The following UST variants were observed in gnomAD, a reference collection of about 807,000 sequenced individuals.
UST encodes uronyl 2-sulfotransferase.
Under a neutral mutation model 45.6 loss-of-function variants are expected in UST, and 21 were observed. The ratio of observed to expected loss-of-function variants is 0.46; its 90% confidence interval spans 0.33 to 0.66. The LOEUF (loss-of-function observed/expected upper bound fraction) is 0.66. Ranked by LOEUF, UST falls within the 30% of genes least tolerant of loss-of-function variation. UST has a pLI of 0.02. For missense variants in UST, 463 were observed against 512.4 expected (o/e 0.90, Z 0.93); for synonymous variants, 215 against 200.6 (o/e 1.07, Z -0.61).
rs112412219 is a variant in UST, at chr6:148,876,584, C to G, written c.248-10402C>G. Among the ~76,000 whole-genome samples the G allele has an allele frequency of 1.0e-2, 1,519 of 152,208 alleles. 25 individuals are homozygous for G. The highest frequency in any genetic ancestry group is 0.034 in the African/African-American group (1,423 of 41,516). On this transcript the variant is annotated intron_variant, in intron 1 of 7. Coordinates refer to ENST00000367463, the MANE Select transcript of UST (RefSeq NM_005715.3). ...CCCTGGGCCATGTTCTTTGTCACTA[C>G]TCAGTTCTACTGAATCCATTAAGTG...
At chr6:148,755,950 G>A (rs1425580506) in intron 1 of UST, among the ~76,000 whole-genome samples, 1 of 151,750 alleles carries the variant, frequency 6.6e-6, no homozygotes, top group African/African-American at 2.4e-5. Context: ...TTGGTGTGCT[G>A]CACCCATTAA....
At chr6:148,960,893 T>C (rs1163515299) in intron 4 of UST, among the ~76,000 whole-genome samples, 1 of 152,226 alleles carries the variant, frequency 6.6e-6, no homozygotes, top group South Asian at 2.1e-4. Context: ...CTTTCAAATT[T>C]TGATGAAAAT....
chr6:149,021,061 A>T (rs530089783), intron 6 of UST, among the ~76,000 whole-genome samples: 1 of 152,336 alleles, frequency 6.6e-6, no homozygotes, highest in African/African-American at 2.4e-5. Context: ...CACAATACTT[A>T]GGCAGGGCCT....
chr6:148,986,191 A>T (rs887593165), intron 5 of UST, among the ~76,000 whole-genome samples: 1 of 152,232 alleles, frequency 6.6e-6, no homozygotes, highest in African/African-American at 2.4e-5. Flanking sequence ...AAATGAGGTG[A>T]TAAAATCGAA....
At chr6:148,823,292 G>GATTTTATCTAAATAAA (rs1364716093) in intron 1 of UST, among the ~76,000 whole-genome samples, 2 of 152,152 alleles carry the variant, frequency 1.3e-5, no homozygotes. Context: ...TAGAAAGAAA[G>GATTTTATCTAAATAAA]GAAGTTTATC....
chr6:148,903,603 T>C (rs1285004442), intron 2 of UST, among the ~76,000 whole-genome samples: 1 of 152,222 alleles, frequency 6.6e-6, no homozygotes, highest in East Asian at 1.9e-4. Flanking sequence ...TAAAAACTAA[T>C]GGGGACAGAC....
At chr6:148,844,987 G>C (rs1777961004) in intron 1 of UST, among the ~76,000 whole-genome samples, 1 of 152,126 alleles carries the variant, frequency 6.6e-6, no homozygotes. Context: ...TGGCTGCATA[G>C]TATTCCATGG....
chr6:148,834,006 G>C (rs1439044450), intron 1 of UST, among the ~76,000 whole-genome samples: 1 of 152,030 alleles, frequency 6.6e-6, no homozygotes. Context: ...CTTGTTTTTT[G>C]TTCATAAATT....
At chr6:148,989,998 A>G (rs1781316848) in intron 5 of UST, among the ~76,000 whole-genome samples, 1 of 152,246 alleles carries the variant, frequency 6.6e-6, no homozygotes, top group African/African-American at 2.4e-5. Flanking sequence ...CTCACATTTA[A>G]GTACAAAAAA....
At chr6:148,780,473 G>C (rs1776623763) in intron 1 of UST, among the ~76,000 whole-genome samples, 1 of 152,064 alleles carries the variant, frequency 6.6e-6, no homozygotes, top group Non-Finnish European at 1.5e-5. Context: ...GGTGTCTGCT[G>C]TTCCCCTCTT....
In UST at chr6:148,747,399, C is replaced by A; in HGVS notation, c.-32C>A. Reference sequence around the variant, plus strand: ...GCGGATGGGTGACCTTTTCCTGGCACGGGCAGGCTGTGGGAGGCAGCGGAG... The same window carrying A: ...GCGGATGGGTGACCTTTTCCTGGCAAGGGCAGGCTGTGGGAGGCAGCGGAG... On this transcript the variant is annotated 5_prime_UTR_variant, in exon 1 of 8. Coordinates refer to ENST00000367463, the MANE Select transcript of UST (RefSeq NM_005715.3). 7.3e-7 allele frequency: 1 copy of A among 1,374,276 alleles called. No individual in the cohort carries two copies. The highest frequency in any genetic ancestry group is 9.4e-7 in the Non-Finnish European group (1 of 1,058,456). The allele number at this position is 1,374,276 out of a possible 1,614,324, so 85.1% of individuals were successfully genotyped here.
chr6:148,913,375 A>G (rs1050956024), intron 2 of UST, among the ~76,000 whole-genome samples: 1 of 144,266 alleles, frequency 6.9e-6, no homozygotes, highest in Non-Finnish European at 1.5e-5. Flanking sequence ...AAAACATTGT[A>G]TCTATAGGAG....
At chr6:149,009,746 T>C (rs1413483759) in intron 5 of UST, among the ~76,000 whole-genome samples, 1 of 151,656 alleles carries the variant, frequency 6.6e-6, no homozygotes, top group Non-Finnish European at 1.5e-5. Flanking sequence ...AATGGGATTC[T>C]TAACCTCTGA....
intron 2 of UST, among the ~76,000 whole-genome samples, chr6:148,891,080 A>G (rs1779009574): frequency 6.6e-6 from 1 of 152,164 alleles, no homozygotes; most frequent in South Asian, 2.1e-4. Context: ...TTAATGCATA[A>G]TTTGAGTTCA....
At chr6:149,053,071 C>T (rs1776512001) in intron 7 of UST, among the ~76,000 whole-genome samples, 1 of 152,184 alleles carries the variant, frequency 6.6e-6, no homozygotes, top group Non-Finnish European at 1.5e-5. Context: ...TCTTAGAGTA[C>T]ATCATTTATC....
chr6:148,944,572 A>G (rs1285359488), intron 3 of UST, among the ~76,000 whole-genome samples: 1 of 151,928 alleles, frequency 6.6e-6, no homozygotes, highest in African/African-American at 2.4e-5. Flanking sequence ...AAATCTATTA[A>G]ATGGAACAAG....
intron 5 of UST, among the ~76,000 whole-genome samples, chr6:148,991,454 G>A (rs1045878588): frequency 6.6e-6 from 1 of 151,560 alleles, no homozygotes; most frequent in African/African-American, 2.4e-5. Flanking sequence ...TTGGTGTGCT[G>A]CACCCGTTAA....
chr6:148,780,837 A>T (rs1158815217), intron 1 of UST, among the ~76,000 whole-genome samples: 1 of 152,090 alleles, frequency 6.6e-6, no homozygotes, highest in Non-Finnish European at 1.5e-5. Flanking sequence ...TATATCTGTT[A>T]TGGGGATCTG....
chr6:149,027,823 C>T (rs1215258994), intron 7 of UST: 1 of 147,986 alleles, frequency 6.8e-6, no homozygotes, highest in Non-Finnish European at 1.5e-5. Context: ...AAATGCTCTA[C>T]CACTGAGTTA....
Sources: allele counts gnomAD v4.1 joint callset (sites outside exome capture counted in the v4.1 genomes callset), GRCh38; gene constraint gnomAD v4.1.1; transcripts MANE v1.5; gene names NCBI Gene and HGNC (gene_info 2026-07-23, HGNC 2026-07-21).